ZBTB16: variants seen among roughly 807,000 people sequenced by gnomAD.
ZBTB16 encodes zinc finger and BTB domain containing 16, also known as zinc finger and BTB domain-containing protein 16.
Under a neutral mutation model 56.8 loss-of-function variants are expected in ZBTB16, and 8 were observed. The observed-to-expected ratio is 0.14, with a 90% CI of 0.08 to 0.25. ZBTB16 has a LOEUF of 0.25. ZBTB16 is among the 10% of genes least tolerant of loss of function. The pLI, the probability that ZBTB16 is intolerant of heterozygous loss-of-function variation, is 1.00. For missense variants in ZBTB16, 625 were observed against 903.0 expected, an observed-to-expected ratio of 0.69 and a Z score of 3.95; for synonymous variants, 363 against 368.5, an observed-to-expected ratio of 0.98 and a Z score of 0.17.
chr11:114,183,767 C>T (rs904052195), intron 3 of ZBTB16, among the ~76,000 whole-genome samples: 7 of 152,234 alleles, frequency 4.6e-5, no homozygotes, highest in African/African-American at 1.2e-4. Context: ...CTTCATCCAG[C>T]CGCAGCTTTC....
rs956350325 is a variant in ZBTB16, at chr11:114,252,785, C to T, written c.*2230C>T. On this transcript the variant is annotated 3_prime_UTR_variant, in exon 7 of 7. Transcript: ENST00000335953. Reference sequence around the variant, plus strand: ...ATGGGTGCTGCTGCGACGACCCCCCCGTCCCTCGGCCCCAGCCCTCCTGCC... The same window carrying T: ...ATGGGTGCTGCTGCGACGACCCCCCTGTCCCTCGGCCCCAGCCCTCCTGCC... Among the ~76,000 whole-genome samples, 4 of 152,254 alleles carry T rather than the reference C, an allele frequency of 2.6e-5. No homozygotes were observed. Among genetic ancestry groups the T allele is most frequent in the East Asian group, 1.9e-4 (1 of 5,180 alleles).
intron 2 of ZBTB16, among the ~76,000 whole-genome samples, chr11:114,139,620 G>A (rs1941891371): frequency 1.7e-5 from 2 of 119,508 alleles, no homozygotes; most frequent in South Asian, 4.9e-4. Flanking sequence ...ATGTGCCCGC[G>A]GTCCACGTGT....
intron 4 of ZBTB16, among the ~76,000 whole-genome samples, chr11:114,235,874 T>C (rs186429009): frequency 1.3e-5 from 2 of 151,436 alleles, no homozygotes; most frequent in Admixed American, 1.3e-4. Flanking sequence ...AAACTGGCAG[T>C]GTTGCCACTG....
At chr11:114,092,721 C>T (rs1307664496) in intron 2 of ZBTB16, among the ~76,000 whole-genome samples, 1 of 152,120 alleles carries the variant, frequency 6.6e-6, no homozygotes, top group Non-Finnish European at 1.5e-5. Flanking sequence ...ATAGGGCCGT[C>T]GTAAGGCTTA....
chr11:114,150,012 G>A (rs958425770), intron 2 of ZBTB16, among the ~76,000 whole-genome samples: 1 of 152,206 alleles, frequency 6.6e-6, no homozygotes, highest in Middle Eastern at 3.2e-3. Context: ...CAGAGATAAA[G>A]ACATAGTTCT....
chr11:114,111,879 C>T (rs1042923423), intron 2 of ZBTB16, among the ~76,000 whole-genome samples: 8 of 152,152 alleles, frequency 5.3e-5, no homozygotes, highest in Admixed American at 2.0e-4. Flanking sequence ...TTGTTGGCTA[C>T]TGTTGAGACA....
chr11:114,248,405 A>C (rs1300390310), intron 6 of ZBTB16, among the ~76,000 whole-genome samples: 1 of 152,214 alleles, frequency 6.6e-6, no homozygotes, highest in Admixed American at 6.5e-5. Flanking sequence ...CCACTGTAGG[A>C]GTATTCACAT....
At chr11:114,120,992 A>T (rs1941326512) in intron 2 of ZBTB16, among the ~76,000 whole-genome samples, 1 of 152,106 alleles carries the variant, frequency 6.6e-6, no homozygotes, top group Non-Finnish European at 1.5e-5. Context: ...TGCATAGTTA[A>T]ATGGTTGGAA....
intron 2 of ZBTB16, among the ~76,000 whole-genome samples, chr11:114,077,422 T>C (rs1397706206): frequency 6.6e-6 from 1 of 152,192 alleles, no homozygotes; most frequent in East Asian, 1.9e-4. Flanking sequence ...GAGCATCTCC[T>C]GGTCATGGGG....
At chr11:114,170,467 C>T (rs1942929199) in intron 3 of ZBTB16, among the ~76,000 whole-genome samples, 1 of 152,182 alleles carries the variant, frequency 6.6e-6, no homozygotes, top group Non-Finnish European at 1.5e-5. Context: ...GGGCGGATAC[C>T]TCTGTAGTCA....
intron 3 of ZBTB16, among the ~76,000 whole-genome samples, chr11:114,183,531 C>G (rs1031334293): frequency 1.3e-5 from 2 of 152,246 alleles, no homozygotes; most frequent in Non-Finnish European, 2.9e-5. Flanking sequence ...CCCTTGGAAG[C>G]CTGTGGCATG....
chr11:114,191,784 A>G (rs1334638440), intron 4 of ZBTB16, among the ~76,000 whole-genome samples: 1 of 152,222 alleles, frequency 6.6e-6, no homozygotes, highest in Non-Finnish European at 1.5e-5. Context: ...GCACGCACAT[A>G]TACACACACA....
At chr11:114,246,469 C>G (rs1049782215) in intron 5 of ZBTB16, among the ~76,000 whole-genome samples, 4 of 152,154 alleles carry the variant, frequency 2.6e-5, no homozygotes, top group African/African-American at 9.7e-5. Context: ...GCGATCACAT[C>G]ACACATCTGA....
rs573111310 is a variant in ZBTB16 at position 114,255,677 on chromosome 11, T to C, written c.*5122T>C. Among the ~76,000 whole-genome samples, 5 of 149,786 alleles carry C rather than the reference T, an allele frequency of 3.3e-5. No individual in the cohort carries two copies. Among genetic ancestry groups the C allele is most frequent in the Non-Finnish European group, 7.4e-5 (5 of 67,816 alleles). ...CGCATCTGCCTTCGTTTCGTGTAGA[T>C]TGACGCGTTTCTTTGTAATTTCAGT... On this transcript the variant is annotated 3_prime_UTR_variant, in exon 7 of 7. Transcript: ENST00000335953.
intron 4 of ZBTB16, among the ~76,000 whole-genome samples, chr11:114,232,194 A>C (rs1944452328): frequency 6.6e-6 from 1 of 152,184 alleles, no homozygotes; most frequent in Non-Finnish European, 1.5e-5. Context: ...TATTTCTTGC[A>C]GTGCTCATGC....
intron 2 of ZBTB16, among the ~76,000 whole-genome samples, chr11:114,149,291 A>C (rs925446246): frequency 1.3e-5 from 2 of 152,206 alleles, no homozygotes; most frequent in African/African-American, 4.8e-5. Flanking sequence ...ATATATGTAC[A>C]CATATATACA....
chr11:114,096,815 C>A (rs1433382971), intron 2 of ZBTB16, among the ~76,000 whole-genome samples: 1 of 152,170 alleles, frequency 6.6e-6, no homozygotes, highest in Non-Finnish European at 1.5e-5. Context: ...TAATCTAATT[C>A]TTTTTTTCTT....
intron 4 of ZBTB16, among the ~76,000 whole-genome samples, chr11:114,210,334 C>T (rs1022302817): frequency 1.8e-4 from 27 of 152,126 alleles, no homozygotes; most frequent in African/African-American, 6.5e-4. Flanking sequence ...TAAGAATCAC[C>T]TTGCATTTCT....
intron 2 of ZBTB16, among the ~76,000 whole-genome samples, chr11:114,106,775 A>G (rs1344995517): frequency 6.6e-6 from 1 of 152,154 alleles, no homozygotes; most frequent in Non-Finnish European, 1.5e-5. Context: ...TGCCTGTCCC[A>G]TCTTCTCTTT....
Sources: gnomAD v4.1 joint callset for allele counts (sites outside exome capture counted in the v4.1 genomes callset) on GRCh38, gnomAD v4.1.1 for gene constraint, MANE v1.5 for transcripts, NCBI Gene and HGNC (gene_info 2026-07-23, HGNC 2026-07-21) for gene names.